COL11A2: variants seen among roughly 807,000 people sequenced by gnomAD.
COL11A2 encodes collagen alpha-2(XI) chain.
A neutral mutation model predicts 273.4 loss-of-function variants in COL11A2; 116 were observed. The ratio of observed to expected loss-of-function variants is 0.42; its 90% CI spans 0.36 to 0.49. The LOEUF (loss-of-function observed/expected upper bound fraction) is 0.49. Ranked by LOEUF, COL11A2 falls within the 20% of genes least tolerant of loss-of-function variation. The probability of loss-of-function intolerance (pLI) is 0.00; values close to 1 mark genes in which losing one functional copy is unlikely to be tolerated. For synonymous variants in COL11A2, 782 were observed against 864.2 expected, an observed-to-expected ratio of 0.90 and a Z score of 1.67; for missense variants, 1,866 against 2,309.0, an observed-to-expected ratio of 0.81 and a Z score of 3.93.
At position 33,173,780 on chromosome 6, in the gene COL11A2, G is replaced by T. The variant is rs142037258; in HGVS notation, c.2584-35C>A. The stretch of plus-strand genomic sequence containing the variant: ...GAAACAGAGTCAAGGAGTGGGAAGA[G>T]CTGCTTTCCAGCTGTCCCCGAGGTC... On this transcript the variant is annotated intron_variant, in intron 34 of 65. Coordinates refer to ENST00000341947, the MANE Select transcript of COL11A2 (RefSeq NM_080680.3). The surrounding 1 kb of genome is among the most constrained non-coding windows in gnomAD (Gnocchi z 6.3). 3.7e-6 allele frequency: 6 copies of T among 1,607,172 alleles called. No homozygotes were observed. The African/African-American group carries it at 8.0e-5, about 22-fold the overall frequency.
In COL11A2 at chr6:33,167,240, C is replaced by T. The variant is rs757267009; in HGVS notation, c.4176+24G>A. 3 of 1,614,144 alleles carry T rather than the reference C, an allele frequency of 1.9e-6. No individual in the cohort carries two copies. The highest frequency in any genetic ancestry group is 2.5e-6 in the Non-Finnish European group (3 of 1,180,016). ...CCCAGGGCACTGCCCTCACCCCTCA[C>T]TCAGCCCAATCCCAGTCACTCACCA... On this transcript the variant is annotated intron_variant, in intron 57 of 65. Transcript: ENST00000341947. This position sits in a 1 kb window ranked among gnomAD's most constrained non-coding sequence, Gnocchi z 6.1.
chr6:33,179,806 CT>C lies in COL11A2; in HGVS notation c.1360-2del. 2 of 1,610,918 alleles carry C rather than the reference CT, an allele frequency of 1.2e-6. No individual in the cohort carries two copies. Among genetic ancestry groups the C allele is most frequent in the Non-Finnish European group, 1.7e-6 (2 of 1,179,942 alleles). ...CACCCCCACCACTGCCAAACCGGAACTGAGGTCAAGGAGAGAAGGTCCAGGT... is the reference window on the plus strand; with the variant it reads ...CACCCCCACCACTGCCAAACCGGAACGAGGTCAAGGAGAGAAGGTCCAGGT... On this transcript the variant is annotated splice_acceptor_variant, in intron 12 of 65. Coordinates refer to ENST00000341947, the MANE Select transcript of COL11A2 (RefSeq NM_080680.3). LOFTEE classifies it high-confidence loss of function. This position sits in a 1 kb window ranked among gnomAD's most constrained non-coding sequence, Gnocchi z 6.4.
chr6:33,171,204 GGA>G, intron 44 of COL11A2, 37 bp from the exon 45 acceptor site: 1 of 1,613,388 alleles, frequency 6.2e-7, no homozygotes, highest in African/African-American at 1.3e-5. Context: ...ACCAAAACAG[GGA>G]GAGAGATCAG....
chr6:33,168,685 G>T, intron 53 of COL11A2, 21 bp downstream of exon 53: 1 of 1,589,780 alleles, frequency 6.3e-7, no homozygotes, highest in Non-Finnish European at 8.6e-7. Context: ...CAGGGGGGTG[G>T]TGGGGTCACC....
At chr6:33,180,767 T>G in intron 10 of COL11A2, 37 bp from the exon 11 acceptor site, 1 of 1,605,160 alleles carries the variant, frequency 6.2e-7, no homozygotes, top group Non-Finnish European at 8.5e-7. Context: ...GTGTGGGCAT[T>G]CAGACAGGTG....
At chr6:33,175,961 A>C in intron 29 of COL11A2, 55 bp downstream of exon 29, 1 of 1,598,398 alleles carries the variant, frequency 6.3e-7, no homozygotes, top group Non-Finnish European at 8.6e-7. Flanking sequence ...TGGCGTCTCC[A>C]GAGTGGAGGC....
At position 33,166,757 on chromosome 6, in the gene COL11A2, G is replaced by A; in HGVS notation, c.4301C>T (p.Pro1434Leu). The change falls in exon 59 of 66, where the codon CCT becomes CTT. Residue 1434 changes from proline to leucine, a missense_variant. Transcript: ENST00000341947. The surrounding 1 kb of genome is among the most constrained non-coding windows in gnomAD (Gnocchi z 4.8). ...EQGEKGDRGL[P>L]GPQGSPGQKG... ...CTGCCCAGGGGAGCCCTGAGGCCCA[G>A]GAAGTCCCCGATCTCCCTTCTCTCC... 6.2e-7 allele frequency: 1 copy of A among 1,613,512 alleles called. No homozygotes were observed. Among genetic ancestry groups the A allele is most frequent in the Non-Finnish European group, 8.5e-7 (1 of 1,180,026 alleles).
Position 33,189,188 on chromosome 6 carries a change from C to G in COL11A2, c.233G>C (p.Gly78Ala), listed in dbSNP as rs532323721. 1.2e-6 allele frequency: 2 copies of G among 1,613,824 alleles called. No homozygotes were observed. The highest frequency in any genetic ancestry group is 1.1e-5 in the South Asian group (1 of 91,070). ...CAGAGAGAAATCTTTGGGAAATCCT[C>G]CTAGTAACCGAGAGAGATACACACA... The part of the protein sequence containing the change: ...LSAPTRQLFP[G>A]GFPKDFSLLT... Residue 78 changes from glycine (G) to alanine (A), a missense_variant and splice_region_variant, in exon 3 of 66, where the codon GGA (glycine) becomes GCA (alanine). Gly to Ala is a moderately conservative substitution (Grantham distance 60, BLOSUM62 0). Transcript: ENST00000341947. The surrounding 1 kb of genome is among the most constrained non-coding windows in gnomAD (Gnocchi z 5.6).
At chr6:33,188,271 G>A (rs1772659573) in intron 4 of COL11A2, 91 bp downstream of exon 4, 1 of 1,453,722 alleles carries the variant, frequency 6.9e-7, no homozygotes, top group African/African-American at 1.4e-5. Flanking sequence ...GAAGGCCTAG[G>A]GAATAGGAAG....
Position 33,177,953 on chromosome 6 carries a change from C to T in COL11A2, c.1872+179G>A, listed in dbSNP as rs1390933045. The T allele has an allele frequency of 1.3e-6, 1 of 792,152 alleles. No homozygotes were observed. Among genetic ancestry groups the T allele is most frequent in the East Asian group, 2.6e-5 (1 of 38,226 alleles). The allele number at this position is 792,152 out of a possible 1,614,324, so 49.1% of individuals were successfully genotyped here. A position where few individuals can be genotyped will look rare whatever the true frequency, so the allele number is the denominator to read the frequency against. On this transcript the variant is annotated intron_variant, in intron 21 of 65. Coordinates refer to ENST00000341947, the MANE Select transcript of COL11A2 (RefSeq NM_080680.3). This position sits in a 1 kb window ranked among gnomAD's most constrained non-coding sequence, Gnocchi z 5.9. ...CCCTCAGGGCACCACGCCACATGGC[C>T]CTCCCTGTGCACGGGGAGCGAATGC...
chr6:33,171,524 A>G lies in COL11A2; in HGVS notation c.3201T>C (p.Pro1067=). ...GCCCAGCAGGACCAGGAAGCCCCACAGGACCCTGCACTCCATCTCGGCCAG... is the reference window on the plus strand; with the variant it reads ...GCCCAGCAGGACCAGGAAGCCCCACGGGACCCTGCACTCCATCTCGGCCAG... ...GPTGRDGVQG[P]VGLPGPAGPP... The change falls in exon 43 of 66, where the codon CCT becomes CCC. Residue 1067 remains proline (P), a synonymous_variant. Coordinates refer to ENST00000341947, the MANE Select transcript of COL11A2 (RefSeq NM_080680.3). 1 of 1,614,112 alleles carries G rather than the reference A, an allele frequency of 6.2e-7. No individual in the cohort carries two copies. Among genetic ancestry groups the G allele is most frequent in the South Asian group, 1.1e-5 (1 of 91,086 alleles).
In COL11A2 at chr6:33,163,616, C is replaced by A. The variant is rs1337534960; in HGVS notation, c.*62G>T. 2.5e-6 allele frequency: 4 copies of A among 1,612,056 alleles called. No homozygotes were observed. In the African/African-American group the frequency reaches 5.3e-5, roughly 22 times the overall value. On this transcript the variant is annotated 3_prime_UTR_variant, in exon 66 of 66. Transcript: ENST00000341947. This position sits in a 1 kb window ranked among gnomAD's most constrained non-coding sequence, Gnocchi z 4.1. ...AGCCCTCTTGGGAGGTGGCACAGAGCTGATGTTGTGGGATTCCAGGTGGGC... is the reference window on the plus strand; with the variant it reads ...AGCCCTCTTGGGAGGTGGCACAGAGATGATGTTGTGGGATTCCAGGTGGGC...
At chr6:33,180,629 C>T (rs1308058036) in intron 11 of COL11A2, 39 bp downstream of exon 11, 2 of 1,559,516 alleles carry the variant, frequency 1.3e-6, no homozygotes, top group Non-Finnish European at 8.7e-7. Flanking sequence ...CCACTAGCTC[C>T]CCCGAAGCTC....
chr6:33,189,370 C>T lies in COL11A2; in HGVS notation c.182G>A (p.Arg61Gln), dbSNP rs761464756. 78 of 1,613,180 alleles carry T rather than the reference C, an allele frequency of 4.8e-5. No homozygotes were observed. The highest frequency in any genetic ancestry group is 6.4e-5 in the Non-Finnish European group (75 of 1,180,036). The change falls in exon 2 of 66, where the codon CGA (arginine) becomes CAA (glutamine). Residue 61 changes from arginine to glutamine, a missense_variant. Arg to Gln is a conservative substitution (Grantham distance 43). Transcript: ENST00000341947. The surrounding 1 kb of genome is among the most constrained non-coding windows in gnomAD (Gnocchi z 5.6). ...ACTGAGCTGGGCAGGTCGTGCCACT[C>T]GGTAGGCCACATCAGCTGGACAGAT... ...KGICPADVAY[R>Q]VARPAQLSAP...
In COL11A2 at chr6:33,174,011, C is replaced by T. The variant is rs746271341; in HGVS notation, c.2529G>A (p.Thr843=). 73 of 1,613,874 alleles carry T rather than the reference C, an allele frequency of 4.5e-5. No homozygotes were observed. The highest frequency in any genetic ancestry group is 5.8e-5 in the Non-Finnish European group (69 of 1,179,990). Residue 843 remains threonine (T), a splice_region_variant and synonymous_variant, in exon 33 of 66, where the codon ACG becomes ACA. Transcript: ENST00000341947. ...ACCTGTTTCTCTCCCCTGCACTCAC[C>T]GTGGGGCCCCGTTCTCCCCGAGGCC... ...KSGPRGERGP[T]GPRGQRGPRG... is the part of the protein sequence containing the mutation.
rs1386512436 is a variant in COL11A2 at position 33,179,463 on chromosome 6, G to A, written c.1471C>T (p.Pro491Ser). 1 of 1,567,850 alleles carries A rather than the reference G, an allele frequency of 6.4e-7. No individual in the cohort carries two copies. The highest frequency in any genetic ancestry group is 8.6e-7 in the Non-Finnish European group (1 of 1,156,392). The change falls in exon 14 of 66, where the codon CCC (proline) becomes TCC (serine). Residue 491 changes from proline (P) to serine (S), a missense_variant. Transcript: ENST00000341947. The surrounding 1 kb of genome is among the most constrained non-coding windows in gnomAD (Gnocchi z 6.4). ...ARLALRGPPGPMGYTGRPGPL... is the reference protein window; with the variant it reads ...ARLALRGPPGSMGYTGRPGPL... Reference sequence around the variant, plus strand: ...CCAGGGCGCCCTGTGTATCCCATGGGGCCAGGGGGTCCACGGAGCGCCAGC... The same window carrying A: ...CCAGGGCGCCCTGTGTATCCCATGGAGCCAGGGGGTCCACGGAGCGCCAGC...
rs762037161 is a variant in COL11A2 at position 33,192,237 on chromosome 6, C to T, written c.4G>A (p.Glu2Lys). 22 of 1,558,444 alleles carry T rather than the reference C, an allele frequency of 1.4e-5. No individual in the cohort carries two copies. The highest frequency in any genetic ancestry group is 1.7e-5 in the Non-Finnish European group (20 of 1,151,510). M[E>K]RCSRCHRLLL... is the part of the protein sequence containing the mutation. ...AGGCGATGGCAGCGGCTGCACCGCT[C>T]CATGGCTGAGAAGCCGAAACGCCGG... The change falls in exon 1 of 66, where the codon GAG (glutamate) becomes AAG (lysine). Residue 2 changes from glutamate to lysine, a missense_variant. Transcript: ENST00000341947.
intron 39 of COL11A2, 69 bp from the exon 40 acceptor site, chr6:33,172,447 C>T (rs1007774148): frequency 1.3e-6 from 2 of 1,554,588 alleles, no homozygotes; most frequent in East Asian, 2.3e-5. Context: ...CTCCAGCCCC[C>T]CCTCAAATCT....
In COL11A2 at chr6:33,178,767, G is replaced by A. The variant is rs768226038; in HGVS notation, c.1666-35C>T. The A allele has an allele frequency of 8.7e-6, 14 of 1,611,994 alleles. No homozygotes were observed. The highest frequency in any genetic ancestry group is 2.2e-5 in the East Asian group (1 of 44,866). On this transcript the variant is annotated intron_variant, in intron 17 of 65. Coordinates refer to ENST00000341947, the MANE Select transcript of COL11A2 (RefSeq NM_080680.3). The surrounding 1 kb of genome is among the most constrained non-coding windows in gnomAD (Gnocchi z 4.6). ...GGAAGGATAGCCAGAGTGAGGACAC[G>A]ACCCTGTCCAAGCCCACCCCTCCCT...
Sources: gnomAD v4.1 joint callset for allele counts on GRCh38, gnomAD v4.1.1 for gene constraint, Gnocchi (gnomAD v3.1) non-coding constraint, MANE v1.5 for transcripts, NCBI Gene and HGNC (gene_info 2026-07-23, HGNC 2026-07-21) for gene names.